The following RAD51B variants were observed in gnomAD, a reference collection of about 807,000 sequenced individuals.
The protein encoded by RAD51B is DNA repair protein RAD51 homolog 2.
In RAD51B, 38 loss-of-function variants were observed where a neutral mutation model predicts 42.2. The ratio of observed to expected loss-of-function variants is 0.90; its 90% confidence interval spans 0.70 to 1.18. The LOEUF (loss-of-function observed/expected upper bound fraction) is 1.18. RAD51B is among the 50% of genes most tolerant of loss of function. RAD51B has a pLI of 0.00. For synonymous variants in RAD51B, 154 were observed against 145.2 expected (o/e 1.06, Z -0.43); for missense variants, 373 against 400.7 (o/e 0.93, Z 0.59).
chr14:68,327,740 A>G (rs551068780), intron 8 of RAD51B, among the ~76,000 whole-genome samples: 1 of 152,238 alleles, frequency 6.6e-6, no homozygotes, highest in East Asian at 1.9e-4. Context: ...AAAAAAGTAT[A>G]TAATATTCAT....
At chr14:67,992,963 G>T (rs920083895) in intron 7 of RAD51B, among the ~76,000 whole-genome samples, 14 of 152,058 alleles carry the variant, frequency 9.2e-5, no homozygotes, top group Admixed American at 8.5e-4. Flanking sequence ...CCTGGTAAGT[G>T]CTGGTCGCTC....
chr14:68,006,063 A>T (rs1272721189), intron 7 of RAD51B, among the ~76,000 whole-genome samples: 1 of 152,178 alleles, frequency 6.6e-6, no homozygotes, highest in Non-Finnish European at 1.5e-5. Context: ...GTGCTAAACC[A>T]TTTATGAAGG....
intron 9 of RAD51B, among the ~76,000 whole-genome samples, chr14:68,467,055 C>T (rs182224681): frequency 2.6e-5 from 4 of 152,288 alleles, no homozygotes; most frequent in South Asian, 2.1e-4. Context: ...ATTACCTACA[C>T]GGTTCAGTGT....
chr14:67,962,719 C>T (rs993108061), intron 7 of RAD51B, among the ~76,000 whole-genome samples: 1 of 151,996 alleles, frequency 6.6e-6, no homozygotes, highest in East Asian at 1.9e-4. Context: ...TTTAGCCAAC[C>T]AAGAGAGGAA....
exon 11 of RAD51B, chr14:68,595,052 T>C (rs980175985): frequency 9.3e-7 from 1 of 1,073,110 alleles, no homozygotes; most frequent in African/African-American, 1.6e-5. Flanking sequence ...CCACTGAGTA[T>C]TTACTCAGTG....
chr14:67,924,855 C>T (rs1487224728), intron 7 of RAD51B, among the ~76,000 whole-genome samples: 1 of 152,234 alleles, frequency 6.6e-6, no homozygotes, highest in East Asian at 1.9e-4. Flanking sequence ...CTCATTTCAG[C>T]ATTAACTCAA....
At chr14:67,905,806 C>T (rs920970681) in intron 7 of RAD51B, among the ~76,000 whole-genome samples, 2 of 152,028 alleles carry the variant, frequency 1.3e-5, no homozygotes, top group Admixed American at 1.3e-4. Context: ...GATCTAGGAA[C>T]ATTTGGGCAG....
chr14:68,319,075 C>T (rs2082113044), intron 8 of RAD51B, among the ~76,000 whole-genome samples: 1 of 151,994 alleles, frequency 6.6e-6, no homozygotes, highest in Non-Finnish European at 1.5e-5. Context: ...CTTTAAAAAA[C>T]AAACAAACAA....
intron 7 of RAD51B, among the ~76,000 whole-genome samples, chr14:68,203,556 T>G (rs2079531275): frequency 6.6e-6 from 1 of 152,092 alleles, no homozygotes; most frequent in Non-Finnish European, 1.5e-5. Context: ...CAAGTTAGAG[T>G]CATCAGCTGC....
intron 7 of RAD51B, among the ~76,000 whole-genome samples, chr14:68,037,111 C>A (rs1394030262): frequency 1.3e-4 from 1 of 7,586 alleles, no homozygotes; most frequent in Admixed American, 8.2e-4. Flanking sequence ...CCCCTCCCCT[C>A]CCCTCCCCTA....
chr14:68,405,874 C>T (rs1041225383), intron 8 of RAD51B, among the ~76,000 whole-genome samples: 1 of 146,756 alleles, frequency 6.8e-6, no homozygotes, highest in African/African-American at 2.5e-5. Flanking sequence ...TAACTAGCAA[C>T]TCCTAATTAT....
chr14:68,467,676 A>G (rs905996141), intron 9 of RAD51B, among the ~76,000 whole-genome samples: 10 of 152,270 alleles, frequency 6.6e-5, no homozygotes, highest in African/African-American at 1.9e-4. Context: ...AGTAATAGAA[A>G]ATGTAGTCAC....
In RAD51B at chr14:67,919,958, G is replaced by C. The variant is rs2044268956; in HGVS notation, c.756+32754G>C. Among the ~76,000 whole-genome samples, 4 of 152,010 alleles carry C rather than the reference G, an allele frequency of 2.6e-5. No individual in the cohort carries two copies. In the South Asian group the frequency reaches 8.3e-4, roughly 32 times the overall value. ...TTTCCGTCATATTCTAGAAAAGAAAGCTTTTTTTTTCTTTTTCTTTTTCTC... is the reference window on the plus strand; with the variant it reads ...TTTCCGTCATATTCTAGAAAAGAAACCTTTTTTTTTCTTTTTCTTTTTCTC... On this transcript the variant is annotated intron_variant, in intron 7 of 10. Transcript: ENST00000471583.
intron 7 of RAD51B, among the ~76,000 whole-genome samples, chr14:68,015,686 CGTG>C: frequency 6.6e-6 from 1 of 152,098 alleles, no homozygotes; most frequent in Non-Finnish European, 1.5e-5. Flanking sequence ...TCCCATGACA[CGTG>C]GGGATTATGG....
At chr14:68,593,464 A>G (rs2140082087) in intron 10 of RAD51B, among the ~76,000 whole-genome samples, 1 of 152,328 alleles carries the variant, frequency 6.6e-6, no homozygotes, top group East Asian at 1.9e-4. Flanking sequence ...GGCAAACAGA[A>G]GAAAATTGTA....
rs184660153 is a variant in RAD51B at position 68,474,952 on chromosome 14, A to G, written c.1037-2696A>G. The stretch of plus-strand genomic sequence containing the variant: ...AGCTGGTTTGGCAGCTTAGCTCTAC[A>G]TGTCTATCGAAGAGCCCAGGCCATT... On this transcript the variant is annotated intron_variant, in intron 10 of 10. Transcript: ENST00000471583. 2.0e-3 allele frequency among the ~76,000 whole-genome samples: 308 copies of G among 152,334 alleles called. 1 individual carries two copies. Among genetic ancestry groups the G allele is most frequent in the Admixed American group, 5.7e-3 (87 of 15,306 alleles).
At chr14:68,341,681 T>C (rs6573834) in intron 8 of RAD51B, among the ~76,000 whole-genome samples, 127,630 of 152,128 alleles carry the variant, frequency 0.84, 53,823 homozygotes, top group East Asian at 0.99. Context: ...GTCTCTGGTC[T>C]GTATCACTTA....
At chr14:67,910,480 A>G (rs1288801944) in intron 7 of RAD51B, among the ~76,000 whole-genome samples, 1 of 150,634 alleles carries the variant, frequency 6.6e-6, no homozygotes, top group Admixed American at 6.6e-5. Flanking sequence ...AAGAAATTGT[A>G]AAAGTGAACT....
chr14:68,150,909 A>C (rs913926720), intron 7 of RAD51B, among the ~76,000 whole-genome samples: 2 of 152,164 alleles, frequency 1.3e-5, no homozygotes, highest in African/African-American at 4.8e-5. Flanking sequence ...TTTAGTTATA[A>C]ATCCCACACT....
Sources: allele counts gnomAD v4.1 joint callset (sites outside exome capture counted in the v4.1 genomes callset), GRCh38; gene constraint gnomAD v4.1.1; transcripts MANE v1.5; gene names NCBI Gene and HGNC (gene_info 2026-07-23, HGNC 2026-07-21).